Variants in GAREM1 observed in about 807,000 individuals in gnomAD.
GAREM1 encodes the protein GRB2-associated and regulator of MAPK protein 1.
A neutral mutation model predicts 71.3 loss-of-function variants in GAREM1; 26 were observed. The observed-to-expected ratio is 0.36, with a 90% CI of 0.27 to 0.51. The LOEUF (loss-of-function observed/expected upper bound fraction) is 0.51. Among genes scored for constraint, GAREM1 ranks in the 20% least tolerant of loss-of-function variants. GAREM1 has a pLI of 0.95. For synonymous variants in GAREM1, 440 were observed against 433.2 expected, an observed-to-expected ratio of 1.02 and a Z score of -0.20; for missense variants, 1,026 against 1,103.1, an observed-to-expected ratio of 0.93 and a Z score of 0.99.
At chr18:32,299,371 G>A (rs1029731225) in intron 3 of GAREM1, among the ~76,000 whole-genome samples, 15 of 151,750 alleles carry the variant, frequency 9.9e-5, no homozygotes, top group Admixed American at 6.6e-4. Flanking sequence ...AAAATTAGCC[G>A]GGTGTGGCGG....
At chr18:32,283,054 C>G (rs936592133) in intron 4 of GAREM1, among the ~76,000 whole-genome samples, 1 of 152,146 alleles carries the variant, frequency 6.6e-6, no homozygotes, top group African/African-American at 2.4e-5. Flanking sequence ...TCTGGGGGCA[C>G]CTTGCAAAAT....
intron 2 of GAREM1, among the ~76,000 whole-genome samples, chr18:32,311,801 C>T (rs1177748821): frequency 6.6e-6 from 1 of 152,198 alleles, no homozygotes; most frequent in Non-Finnish European, 1.5e-5. Flanking sequence ...TAAGGAGTTG[C>T]ACTCTTCACC....
chr18:32,288,324 T>C, intron 3 of GAREM1, 121 bp from the exon 4 acceptor site: 1 of 712,560 alleles, frequency 1.4e-6, no homozygotes, highest in South Asian at 2.1e-5. Context: ...TCTTTAATAC[T>C]AAATTTAGAC....
At chr18:32,367,583 G>A (rs1307167172) in intron 2 of GAREM1, among the ~76,000 whole-genome samples, 1 of 152,200 alleles carries the variant, frequency 6.6e-6, no homozygotes, top group Non-Finnish European at 1.5e-5. Flanking sequence ...AATACGAGAA[G>A]AGCAATCTCT....
chr18:32,388,183 T>C (rs2048165856), intron 2 of GAREM1, among the ~76,000 whole-genome samples: 1 of 152,142 alleles, frequency 6.6e-6, no homozygotes, highest in African/African-American at 2.4e-5. Flanking sequence ...AGGACAGCAA[T>C]ATATCATAGT....
intron 2 of GAREM1, among the ~76,000 whole-genome samples, chr18:32,382,640 C>T (rs2048108395): frequency 6.6e-6 from 1 of 152,068 alleles, no homozygotes; most frequent in Admixed American, 6.6e-5. Flanking sequence ...GGTAAAATAA[C>T]AGAGCTGTAC....
At chr18:32,360,405 C>T (rs1474461210) in intron 2 of GAREM1, among the ~76,000 whole-genome samples, 1 of 152,092 alleles carries the variant, frequency 6.6e-6, no homozygotes, top group East Asian at 1.9e-4. Context: ...TGCCAGTTCT[C>T]ATTTAAGAGG....
rs1476880953 is a variant in GAREM1, at chr18:32,287,952, G to A, written c.645C>T (p.Cys215=). The change falls in exon 4 of 6, where the codon TGC becomes TGT. Residue 215 remains cysteine, a synonymous_variant. Coordinates refer to ENST00000269209, the MANE Select transcript of GAREM1 (RefSeq NM_001242409.2). This position sits in a 1 kb window ranked among gnomAD's most constrained non-coding sequence, Gnocchi z 5.9. ...TNESISLPFQ[C]KGRFSTRSPL... is the part of the protein sequence containing the mutation. ...GACTTCGGGTGCTAAATCTGCCCTT[G>A]CACTGGAATGGAAGGCTAATGCTTT... The A allele has an allele frequency of 3.7e-6, 6 of 1,613,966 alleles. No individual in the cohort carries two copies. Among genetic ancestry groups the A allele is most frequent in the Non-Finnish European group, 5.1e-6 (6 of 1,180,034 alleles).
At chr18:32,392,345 C>T (rs1038957811) in intron 2 of GAREM1, among the ~76,000 whole-genome samples, 20 of 151,950 alleles carry the variant, frequency 1.3e-4, no homozygotes, top group African/African-American at 1.9e-4. Flanking sequence ...TGCATTGAGT[C>T]GGGTTCAAAG....
chr18:32,329,268 G>A (rs557889877), intron 2 of GAREM1, among the ~76,000 whole-genome samples: 3 of 152,138 alleles, frequency 2.0e-5, no homozygotes, highest in Non-Finnish European at 2.9e-5. Flanking sequence ...CCTACCTACT[G>A]AGGAGGCTAA....
intron 1 of GAREM1, among the ~76,000 whole-genome samples, chr18:32,400,513 G>A (rs886331821): frequency 6.6e-6 from 1 of 152,188 alleles, no homozygotes; most frequent in Non-Finnish European, 1.5e-5. Context: ...AGTGGGTGAA[G>A]GATATGAACA....
At chr18:32,370,553 T>G (rs16963275) in intron 2 of GAREM1, among the ~76,000 whole-genome samples, 13,628 of 152,238 alleles carry the variant, frequency 0.09, 978 homozygotes, top group African/African-American at 0.2. Flanking sequence ...GGTTCCCAAT[T>G]TTCTCATGCT....
rs1474279209 is a variant in GAREM1 at position 32,392,944 on chromosome 18, C to T, written c.213G>A (p.Glu71=). 1 of 1,613,872 alleles carries T rather than the reference C, an allele frequency of 6.2e-7. No homozygotes were observed. The highest frequency in any genetic ancestry group is 1.7e-5 in the Admixed American group (1 of 59,974). Residue 71 remains glutamate, a synonymous_variant, in exon 2 of 6, where the codon GAG becomes GAA. Coordinates refer to ENST00000269209, the MANE Select transcript of GAREM1 (RefSeq NM_001242409.2). ...TCTTTGGCCCAATGACATAGTGACC[C>T]TCCTCCAAGCTGTGGGCAGTGATGG... ...WTTITAHSLE[E]GHYVIGPKIE... is the part of the protein sequence containing the mutation.
intron 4 of GAREM1, among the ~76,000 whole-genome samples, chr18:32,275,857 T>C (rs1288708322): frequency 6.6e-6 from 1 of 152,218 alleles, no homozygotes; most frequent in Admixed American, 6.5e-5. Context: ...TTTGTATTTT[T>C]AGTAGAGATG....
rs2047033327 is a variant in GAREM1 at position 32,287,388 on chromosome 18, A to T, written c.1209T>A (p.Leu403=). 6.2e-7 allele frequency: 1 copy of T among 1,614,232 alleles called. No homozygotes were observed. The change falls in exon 4 of 6, where the codon CTT becomes CTA. Residue 403 remains leucine, a synonymous_variant. Transcript: ENST00000269209. The surrounding 1 kb of genome is among the most constrained non-coding windows in gnomAD (Gnocchi z 5.9). ...CTCCCCCCAGGTCCCTGCAACCATGAAGGTTCACCTCACTGTTGCCATGGA... is the reference window on the plus strand; with the variant it reads ...CTCCCCCCAGGTCCCTGCAACCATGTAGGTTCACCTCACTGTTGCCATGGA... ...NNLHGNSEVN[L]HGCRDLGGDW... is the part of the protein sequence containing the mutation.
At chr18:32,325,675 A>G (rs1156460691) in intron 2 of GAREM1, among the ~76,000 whole-genome samples, 6 of 152,234 alleles carry the variant, frequency 3.9e-5, no homozygotes, top group Admixed American at 3.9e-4. Context: ...TTTGGATTCA[A>G]CATAATACTC....
chr18:32,428,383 G>T (rs1243129328), intron 1 of GAREM1, among the ~76,000 whole-genome samples: 2 of 152,174 alleles, frequency 1.3e-5, no homozygotes, highest in Non-Finnish European at 2.9e-5. Context: ...GGTGGGGCCT[G>T]GTGGGAGGTG....
At chr18:32,422,980 A>C (rs1599037104) in intron 1 of GAREM1, among the ~76,000 whole-genome samples, 1 of 152,242 alleles carries the variant, frequency 6.6e-6, no homozygotes, top group East Asian at 1.9e-4. Flanking sequence ...ACCATCTGAG[A>C]GGGAAAACTA....
At chr18:32,380,307 C>T (rs1220525517) in intron 2 of GAREM1, among the ~76,000 whole-genome samples, 1 of 151,828 alleles carries the variant, frequency 6.6e-6, no homozygotes, top group South Asian at 2.1e-4. Flanking sequence ...AAAACCCCAT[C>T]TCTACTAAAA....
Sources: gnomAD v4.1 joint callset for allele counts (sites outside exome capture counted in the v4.1 genomes callset) on GRCh38, gnomAD v4.1.1 for gene constraint, Gnocchi (gnomAD v3.1) non-coding constraint, MANE v1.5 for transcripts, NCBI Gene and HGNC (gene_info 2026-07-23, HGNC 2026-07-21) for gene names.